The following UBR4 variants were observed in gnomAD, a reference collection of about 807,000 sequenced individuals.
UBR4 encodes the protein ubiquitin protein ligase E3 component n-recognin 4, also known as E3 ubiquitin-protein ligase UBR4.
A neutral mutation model predicts 575.6 loss-of-function variants in UBR4; 124 were observed. The ratio of observed to expected loss-of-function variants is 0.22; its 90% CI spans 0.19 to 0.25. The LOEUF (loss-of-function observed/expected upper bound fraction) is 0.25. Ranked by LOEUF, UBR4 falls within the 10% of genes least tolerant of loss-of-function variation. The pLI is 1.00. For missense variants in UBR4, 4,818 were observed against 6,478.8 expected (o/e 0.74, Z 8.80); for synonymous variants, 2,455 against 2,473.7 (o/e 0.99, Z 0.22).
intron 69 of UBR4, among the ~76,000 whole-genome samples, 173 bp downstream of exon 69, chr1:19,120,007 A>C (rs2080999146): frequency 6.6e-6 from 1 of 152,228 alleles, no homozygotes; most frequent in Non-Finnish European, 1.5e-5. Flanking sequence ...CTATGACGTC[A>C]GTTTAATGGC....
At chr1:19,097,384 C>T in intron 90 of UBR4, 104 bp from the exon 91 acceptor site, 1 of 852,592 alleles carries the variant, frequency 1.2e-6, no homozygotes, top group Non-Finnish European at 1.7e-6. Flanking sequence ...TGGAGAGCCT[C>T]TATTTTTCTA....
chr1:19,156,294 T>C lies in UBR4; in HGVS notation c.6049A>G (p.Ile2017Val), dbSNP rs145733997. 265 of 1,614,182 alleles carry C rather than the reference T, an allele frequency of 1.6e-4. 2 individuals carry two copies. In the African/African-American group the frequency reaches 2.3e-3, roughly 14 times the overall value. ...ACCTTAACAAAGTCTGCGGTGACAATTGCTAACTCGGTCTGTGAACCAGGT... is the reference window on the plus strand; with the variant it reads ...ACCTTAACAAAGTCTGCGGTGACAACTGCTAACTCGGTCTGTGAACCAGGT... ...WLPGSQTELA[I>V]VTADFVKIYD... The change falls in exon 42 of 106, where the codon ATT becomes GTT. Residue 2017 changes from isoleucine (I) to valine (V), a missense_variant. By Grantham distance (29) the Ile-to-Val change is conservative (BLOSUM62 3). Around this residue, in one of 29 missense-constraint regions of UBR4, gnomAD observed 461 missense variants for 606.9 expected, o/e 0.76. Transcript: ENST00000375254.
chr1:19,088,339 T>C lies in UBR4; in HGVS notation c.14431-410A>G, dbSNP rs1011752468. On this transcript the variant is annotated intron_variant, in intron 98 of 105. Transcript: ENST00000375254. This position sits in a 1 kb window ranked among gnomAD's most constrained non-coding sequence, Gnocchi z 4.0. ...TTTGGAAAAGGAGCTTGTAGGACTC[T>C]GCTTCCTCCAAGGTGGGACAGTTAG... 2.0e-5 allele frequency among the ~76,000 whole-genome samples: 3 copies of C among 152,346 alleles called. No individual in the cohort carries two copies. Among genetic ancestry groups the C allele is most frequent in the African/African-American group, 7.2e-5 (3 of 41,588 alleles).
Position 19,164,416 on chromosome 1 carries a change from C to T in UBR4, c.4537G>A (p.Val1513Ile), listed in dbSNP as rs779781863. ...ATGGGAGTCAGGGTGCCCAGAAGAA[C>T]AGCACACACACCTTCCCCAACTTGG... ...NSQVGEGVCA[V>I]LLGTLTPMAT... The change falls in exon 33 of 106, where the codon GTT becomes ATT. Residue 1513 changes from valine (V) to isoleucine (I), a missense_variant. Physicochemically the swap from Val to Ile is conservative, Grantham distance 29. Around this residue, in one of 29 missense-constraint regions of UBR4, gnomAD observed 1,172 missense variants for 1,259.7 expected, o/e 0.93. Transcript: ENST00000375254. 1 of 1,614,104 alleles carries T rather than the reference C, an allele frequency of 6.2e-7. No homozygotes were observed. Among genetic ancestry groups the T allele is most frequent in the East Asian group, 2.2e-5 (1 of 44,862 alleles).
intron 49 of UBR4, 130 bp from the exon 50 acceptor site, chr1:19,148,756 T>TA (rs1422539803): frequency 1.1e-6 from 1 of 924,366 alleles, no homozygotes; most frequent in Non-Finnish European, 1.7e-6. Context: ...CAAAGCACAA[T>TA]AAGACCTGCC....
At chr1:19,081,698 C>T in intron 102 of UBR4, 125 bp from the exon 103 acceptor site, 2 of 1,019,698 alleles carry the variant, frequency 2.0e-6, no homozygotes, top group South Asian at 1.3e-5. Context: ...GATGACTCAA[C>T]ACTCCCCACC....
In UBR4 at chr1:19,138,185, G is replaced by C; in HGVS notation, c.8732-4C>G. ...TAAGCACTGCTCCGGCCAGATACTA[G>C]AGGGAAATGGTTTAAAAAGCACAAA... On this transcript the variant is annotated splice_region_variant and splice_polypyrimidine_tract_variant and intron_variant, in intron 59 of 105. Coordinates refer to ENST00000375254, the MANE Select transcript of UBR4 (RefSeq NM_020765.3). 6.7e-7 allele frequency: 1 copy of C among 1,492,844 alleles called. No individual in the cohort carries two copies. Among genetic ancestry groups the C allele is most frequent in the Non-Finnish European group, 9.0e-7 (1 of 1,110,846 alleles). 92.5% of individuals were successfully genotyped at this position (1,492,844 alleles called of 1,614,324 possible).
At chr1:19,166,910 AC>A in intron 29 of UBR4, 111 bp downstream of exon 29, 1 of 1,260,624 alleles carries the variant, frequency 7.9e-7, no homozygotes, top group Non-Finnish European at 1.1e-6. Context: ...TAAAAAAAAA[AC>A]CACACACAAA....
At chr1:19,193,640 C>T (rs1012380520) in intron 8 of UBR4, 83 bp from the exon 9 acceptor site, 10 of 1,496,156 alleles carry the variant, frequency 6.7e-6, no homozygotes, top group Non-Finnish European at 1.8e-6. Context: ...ACACCCCACC[C>T]ACAAGCAATT....
intron 81 of UBR4, among the ~76,000 whole-genome samples, chr1:19,109,283 C>T (rs1384021878): frequency 1.3e-5 from 2 of 152,220 alleles, no homozygotes; most frequent in South Asian, 4.1e-4. Context: ...AAAGCTGATA[C>T]AAGCAAGTCA....
intron 62 of UBR4, 99 bp downstream of exon 62, chr1:19,128,112 C>T: frequency 1.7e-6 from 2 of 1,152,690 alleles, no homozygotes; most frequent in Non-Finnish European, 2.6e-6. Context: ...GATGGTTACC[C>T]CTTGAAACGA....
At chr1:19,122,750 T>C in intron 66 of UBR4, 83 bp downstream of exon 66, 1 of 1,467,724 alleles carries the variant, frequency 6.8e-7, no homozygotes, top group African/African-American at 1.4e-5. Context: ...AAGTCCTGCA[T>C]TATTACCTCC....
chr1:19,126,961 C>T (rs1009193609), intron 63 of UBR4, among the ~76,000 whole-genome samples: 1 of 152,198 alleles, frequency 6.6e-6, no homozygotes, highest in Non-Finnish European at 1.5e-5. Flanking sequence ...GGAGGGGACG[C>T]GTTTCCTCTT....
At chr1:19,163,458 C>T (rs559607618) in intron 34 of UBR4, among the ~76,000 whole-genome samples, 4 of 152,312 alleles carry the variant, frequency 2.6e-5, no homozygotes, top group East Asian at 3.9e-4. Context: ...AGTTCCAAAG[C>T]CTGAGCAGGG....
rs2081970330 is a variant in UBR4, at chr1:19,127,649, A to G, written c.9202T>C (p.Ser3068Pro). The G allele has an allele frequency of 6.2e-7, 1 of 1,614,038 alleles. No individual in the cohort carries two copies. The highest frequency in any genetic ancestry group is 1.3e-5 in the African/African-American group (1 of 74,928). ...LLSVFMSRTK[S>P]GSKSSICESS... ...TCACATATGGAAGACTTGGATCCAG[A>G]TTTGGTGCGGGACATGAAGACACTC... is the stretch of plus-strand genomic sequence containing the variant. The change falls in exon 63 of 106, where the codon TCT becomes CCT. Residue 3068 changes from serine to proline, a missense_variant. By Grantham distance (74) the Ser-to-Pro change is moderately conservative. This residue lies in a region of UBR4 where 550 missense variants were observed against 791.5 expected (regional missense o/e 0.69). Transcript: ENST00000375254.
At position 19,089,316 on chromosome 1, in the gene UBR4, A is replaced by G. The variant is rs2077297463; in HGVS notation, c.14212-339T>C. Reference sequence around the variant, plus strand: ...AAAGGGGCCAGGAGAAGATCCCCGTATTCTGGTAAGACAAGCAGCAACACC... The same window carrying G: ...AAAGGGGCCAGGAGAAGATCCCCGTGTTCTGGTAAGACAAGCAGCAACACC... On this transcript the variant is annotated intron_variant, in intron 97 of 105. Transcript: ENST00000375254. This position sits in a 1 kb window ranked among gnomAD's most constrained non-coding sequence, Gnocchi z 4.3. Among the ~76,000 whole-genome samples the G allele has an allele frequency of 6.6e-6, 1 of 152,230 alleles. No homozygotes were observed. Among genetic ancestry groups the G allele is most frequent in the Admixed American group, 6.5e-5 (1 of 15,288 alleles).
At chr1:19,124,230 ATCTC>A (rs1163692175) in intron 65 of UBR4, among the ~76,000 whole-genome samples, 4 of 152,154 alleles carry the variant, frequency 2.6e-5, no homozygotes, top group African/African-American at 9.7e-5. Flanking sequence ...CCATATTGAA[ATCTC>A]TCTATTAAGA....
rs761593884 is a variant in UBR4, at chr1:19,150,661, C to T, written c.7346G>A (p.Cys2449Tyr). ...EFPSASVSNI[C>Y]PSNLNQSNGT... ...GTTGCTCTGGTTCAGATTTGAAGGG[C>T]AGATGTTGCTGACAGAGGCAGAAGG... is the stretch of plus-strand genomic sequence containing the variant. Residue 2449 changes from cysteine to tyrosine, a missense_variant, in exon 49 of 106, where the codon TGC (cysteine) becomes TAC (tyrosine). Cys to Tyr is a radical substitution (Grantham distance 194). This residue lies in a region of UBR4 where 340 missense variants were observed against 375.4 expected (regional missense o/e 0.91). Transcript: ENST00000375254. 3.7e-6 allele frequency: 6 copies of T among 1,613,948 alleles called. No individual in the cohort carries two copies. In the African/African-American group the frequency reaches 8.0e-5, roughly 22 times the overall value.
At position 19,182,414 on chromosome 1, in the gene UBR4, G is replaced by T. The variant is rs575845715; in HGVS notation, c.2184+1397C>A. Among the ~76,000 whole-genome samples, 17 of 151,950 alleles carry T rather than the reference G, an allele frequency of 1.1e-4. No homozygotes were observed. The East Asian group carries it at 2.9e-3, about 26-fold the overall frequency. ...TAAAGTACAGTGGCTATTTGCAGGC[G>T]CAATCATAGCATACTACAGCCTCAA... is the stretch of plus-strand genomic sequence containing the variant. On this transcript the variant is annotated intron_variant, in intron 17 of 105. Transcript: ENST00000375254.
Sources: allele counts gnomAD v4.1 joint callset (sites outside exome capture counted in the v4.1 genomes callset), GRCh38; gene constraint gnomAD v4.1.1; regional missense constraint gnomAD v4.1.1; non-coding constraint Gnocchi (gnomAD v3.1); transcripts MANE v1.5; gene names NCBI Gene and HGNC (gene_info 2026-07-23, HGNC 2026-07-21).